The following GPC4 variants were observed in gnomAD, a reference collection of about 807,000 sequenced individuals.
The protein encoded by GPC4 is glypican 4.
Under a neutral mutation model 35.0 loss-of-function variants are expected in GPC4, and 10 were observed. The ratio of observed to expected loss-of-function variants is 0.29; its 90% CI spans 0.18 to 0.48. The LOEUF (loss-of-function observed/expected upper bound fraction) is 0.48, where lower values mean the gene tolerates loss of function less well. Among genes scored for constraint, GPC4 ranks in the 20% least tolerant of loss-of-function variants. The pLI is 0.99. For synonymous variants in GPC4, 167 were observed against 170.2 expected, an observed-to-expected ratio of 0.98 and a Z score of 0.15; for missense variants, 322 against 451.3, an observed-to-expected ratio of 0.71 and a Z score of 2.60.
chrX:133,359,277 C>G (rs1259009179), intron 1 of GPC4, among the ~76,000 whole-genome samples: 2 of 111,266 alleles, frequency 1.8e-5, no homozygotes, highest in Non-Finnish European at 3.8e-5. Context: ...CTCAAGATGC[C>G]TGGAGACTGG....
chrX:133,383,182 T>C (rs750320617), intron 1 of GPC4, among the ~76,000 whole-genome samples: 79 of 112,131 alleles, frequency 7.0e-4, no homozygotes, highest in Non-Finnish European at 1.2e-3. Context: ...GGTGAATCTG[T>C]GGTTCATCCA....
At chrX:133,408,876 G>C (rs1464064844) in intron 1 of GPC4, among the ~76,000 whole-genome samples, 1 of 111,102 alleles carries the variant, frequency 9.0e-6, no homozygotes, top group Non-Finnish European at 1.9e-5. Flanking sequence ...AAAGTGTTTA[G>C]ATACAGGCCT....
At chrX:133,390,302 G>T (rs2068713604) in intron 1 of GPC4, among the ~76,000 whole-genome samples, 2 of 111,332 alleles carry the variant, frequency 1.8e-5, no homozygotes, top group Non-Finnish European at 3.8e-5. Context: ...TAATGAATTA[G>T]CGTATTAACT....
chrX:133,328,581 A>G (rs1189870935), intron 2 of GPC4, among the ~76,000 whole-genome samples: 1 of 111,431 alleles, frequency 9.0e-6, no homozygotes, highest in Non-Finnish European at 1.9e-5. Flanking sequence ...ACAGCCATCA[A>G]TAGCAACTTC....
intron 1 of GPC4, among the ~76,000 whole-genome samples, chrX:133,411,545 G>T (rs761383738): frequency 1.8e-5 from 2 of 111,114 alleles, no homozygotes; most frequent in South Asian, 7.7e-4. Context: ...AAATGCCTGG[G>T]CACTCCCTTC....
intron 1 of GPC4, among the ~76,000 whole-genome samples, chrX:133,359,580 T>C (rs2068557573): frequency 9.0e-6 from 1 of 111,399 alleles, no homozygotes; most frequent in Admixed American, 9.5e-5. Flanking sequence ...AGGAAGCCAG[T>C]TAGAGGAACC....
chrX:133,366,668 CAGG>C (rs1603083740), intron 1 of GPC4, among the ~76,000 whole-genome samples: 1 of 111,126 alleles, frequency 9.0e-6, no homozygotes, highest in South Asian at 3.8e-4. Flanking sequence ...GCCACTGAGG[CAGG>C]AGAATAGGGT....
At position 133,302,205 on chromosome X, in the gene GPC4, AAATG is replaced by A. The variant is rs1380316683; in HGVS notation, c.*658_*661del. 1 of 112,587 alleles carries A rather than the reference AAATG, an allele frequency of 8.9e-6. No individual in the cohort carries two copies. Among genetic ancestry groups the A allele is most frequent in the Non-Finnish European group, 1.9e-5 (1 of 53,336 alleles). 9.3% of individuals were successfully genotyped at this position (112,587 alleles called of 1,213,427 possible). ...GCAGTCTCTTCCAACTATCACCAAT[AAATG>A]AAGTACACATAACCTCCTTCTTGGA... is the stretch of plus-strand genomic sequence containing the variant. On this transcript the variant is annotated 3_prime_UTR_variant, in exon 9 of 9. Coordinates refer to ENST00000370828, the MANE Select transcript of GPC4 (RefSeq NM_001448.3).
chrX:133,404,239 G>C (rs938766358), intron 1 of GPC4, among the ~76,000 whole-genome samples: 1 of 110,845 alleles, frequency 9.0e-6, no homozygotes, highest in Non-Finnish European at 1.9e-5. Context: ...AGATGTTCTA[G>C]AGGGCTTTCA....
At chrX:133,413,635 C>G (rs1046925258) in intron 1 of GPC4, among the ~76,000 whole-genome samples, 16 of 110,718 alleles carry the variant, frequency 1.4e-4, no homozygotes, top group East Asian at 2.9e-4. Context: ...GCTCAGCCCC[C>G]CCCCCGGGCT....
chrX:133,383,066 C>T (rs911503654), intron 1 of GPC4, among the ~76,000 whole-genome samples: 8 of 111,726 alleles, frequency 7.2e-5, no homozygotes, highest in African/African-American at 2.6e-4. Context: ...TTCAAATGAG[C>T]TGAAAACATA....
intron 1 of GPC4, among the ~76,000 whole-genome samples, chrX:133,402,909 G>GAAAAAAAAAAAAAAAAAAAAAAAAAAAA (rs11310772): frequency 1.5e-5 from 1 of 67,107 alleles, no homozygotes; most frequent in African/African-American, 5.1e-5. Flanking sequence ...GTCTCAAAAG[G>GAAAAAAAAAAAAAAAAAAAAAAAAAAAA]AAAAAAAAAA....
intron 1 of GPC4, among the ~76,000 whole-genome samples, chrX:133,351,222 G>T (rs966950702): frequency 9.0e-6 from 1 of 111,297 alleles, no homozygotes; most frequent in African/African-American, 3.3e-5. Flanking sequence ...CCACTATGTT[G>T]CTATTCAGAG....
chrX:133,362,165 A>G (rs1418402829), intron 1 of GPC4, among the ~76,000 whole-genome samples: 1 of 108,302 alleles, frequency 9.2e-6, no homozygotes, highest in Non-Finnish European at 1.9e-5. Flanking sequence ...AGTGAGCTGT[A>G]ATTGAGCCAC....
intron 1 of GPC4, among the ~76,000 whole-genome samples, chrX:133,382,069 C>G (rs778034240): frequency 9.0e-6 from 1 of 111,725 alleles, no homozygotes; most frequent in Non-Finnish European, 1.9e-5. Context: ...TCCAGCTAAC[C>G]AAATTAACAC....
Position 133,324,449 on chromosome X carries a change from G to C in GPC4, c.407C>G (p.Ser136Cys). The C allele has an allele frequency of 8.3e-7, 1 of 1,201,839 alleles. No homozygotes were observed. The highest frequency in any genetic ancestry group is 3.0e-5 in the East Asian group (1 of 33,418). ...KTYGHLYMQN[S>C]ELFKDLFVEL... is the part of the protein sequence containing the mutation. Reference sequence around the variant, plus strand: ...TACGAAGAGATCTTTAAATAGCTCAGAATTTTGCATGTATAAATGGCCATA... The same window carrying C: ...TACGAAGAGATCTTTAAATAGCTCACAATTTTGCATGTATAAATGGCCATA... The change falls in exon 3 of 9, where the codon TCT (serine) becomes TGT (cysteine). Residue 136 changes from serine to cysteine, a missense_variant. Physicochemically the swap from Ser to Cys is moderately radical, Grantham distance 112 (BLOSUM62 -1). Transcript: ENST00000370828.
At chrX:133,338,938 A>G (rs1280973801) in intron 2 of GPC4, among the ~76,000 whole-genome samples, 2 of 111,396 alleles carry the variant, frequency 1.8e-5, no homozygotes, top group Non-Finnish European at 3.8e-5. Flanking sequence ...AATAAATCAA[A>G]GCATTTAAGT....
chrX:133,399,402 A>G (rs1329752509), intron 1 of GPC4, among the ~76,000 whole-genome samples: 1 of 111,860 alleles, frequency 8.9e-6, no homozygotes, highest in Non-Finnish European at 1.9e-5. Flanking sequence ...GAAAGAGCCA[A>G]TCCTTCAAGG....
intron 1 of GPC4, among the ~76,000 whole-genome samples, chrX:133,354,540 T>TTTTATTTATTTA (rs200729281): frequency 4.2e-5 from 4 of 95,653 alleles, no homozygotes; most frequent in Non-Finnish European, 6.1e-5. Flanking sequence ...CAAGGTCATG[T>TTTTATTTATTTA]TTTATTTATT....
Sources: gnomAD v4.1 joint callset for allele counts (sites outside exome capture counted in the v4.1 genomes callset) on GRCh38, gnomAD v4.1.1 for gene constraint, MANE v1.5 for transcripts, NCBI Gene and HGNC (gene_info 2026-07-23, HGNC 2026-07-21) for gene names.